TMTC1: variants seen among roughly 807,000 people sequenced by gnomAD.
TMTC1 encodes transmembrane O-mannosyltransferase targeting cadherins 1.
A neutral mutation model predicts 104.8 loss-of-function variants in TMTC1; 73 were observed. The observed-to-expected ratio is 0.70, with a 90% CI of 0.58 to 0.85. The LOEUF (loss-of-function observed/expected upper bound fraction) is 0.85. Among genes scored for constraint, TMTC1 ranks in the 40% least tolerant of loss-of-function variants. The probability of loss-of-function intolerance (pLI) is 0.00; values close to 1 mark genes in which losing one functional copy is unlikely to be tolerated. For synonymous variants in TMTC1, 434 were observed against 428.7 expected (o/e 1.01, Z -0.15); for missense variants, 1,035 against 1,096.1 (o/e 0.94, Z 0.79).
intron 5 of TMTC1, among the ~76,000 whole-genome samples, chr12:29,654,309 G>T (rs1939654622): frequency 6.6e-6 from 1 of 152,140 alleles, no homozygotes. Flanking sequence ...TAGTTCCAAA[G>T]AAGACAGCAA....
At chr12:29,647,461 A>G (rs1230721151) in intron 5 of TMTC1, among the ~76,000 whole-genome samples, 1 of 152,178 alleles carries the variant, frequency 6.6e-6, no homozygotes, top group Non-Finnish European at 1.5e-5. Flanking sequence ...TTTTAATTCA[A>G]TGTTCGGAGG....
intron 5 of TMTC1, among the ~76,000 whole-genome samples, chr12:29,725,400 C>T (rs1019609023): frequency 1.3e-5 from 2 of 151,914 alleles, no homozygotes; most frequent in African/African-American, 2.4e-5. Flanking sequence ...ATGGCTCCAT[C>T]TCAGCTCACT....
intron 5 of TMTC1, among the ~76,000 whole-genome samples, chr12:29,664,218 A>T (rs1940182154): frequency 6.6e-6 from 1 of 150,446 alleles, no homozygotes; most frequent in South Asian, 2.1e-4. Flanking sequence ...AAAAAAATAA[A>T]AAAATAAAAA....
chr12:29,746,243 T>C (rs987615583), intron 5 of TMTC1, among the ~76,000 whole-genome samples: 6 of 152,210 alleles, frequency 3.9e-5, no homozygotes, highest in African/African-American at 1.4e-4. Context: ...ACACCTCTTA[T>C]TCAGTCATTT....
At chr12:29,716,284 AG>A (rs1255572314) in intron 5 of TMTC1, among the ~76,000 whole-genome samples, 1 of 152,062 alleles carries the variant, frequency 6.6e-6, no homozygotes, top group African/African-American at 2.4e-5. Context: ...AGGTTCCCAA[AG>A]CTTTGAGATT....
chr12:29,783,692 C>T lies in TMTC1; in HGVS notation c.60G>A (p.Arg20=). The T allele has an allele frequency of 7.9e-7, 1 of 1,271,346 alleles. No homozygotes were observed. The highest frequency in any genetic ancestry group is 9.8e-7 in the Non-Finnish European group (1 of 1,016,650). The allele number at this position is 1,271,346 out of a possible 1,614,324, so 78.8% of individuals were successfully genotyped here. A position where few individuals can be genotyped will look rare whatever the true frequency, so the allele number is the denominator to read the frequency against. The change falls in exon 1 of 18, where the codon CGG becomes CGA. Residue 20 remains arginine, a synonymous_variant. Transcript: ENST00000539277. The surrounding 1 kb of genome is among the most constrained non-coding windows in gnomAD (Gnocchi z 4.7). ...CCCCGGCCGGCGCTAGCCCGCAGCC[C>T]CGCCGCCGGGAGGGTGTGCGGTCCC... ...GGGDRTPSRR[R]GCGLAPAGAA...
intron 12 of TMTC1, chr12:29,519,403 T>C (rs1033980425): frequency 2.0e-5 from 3 of 151,918 alleles, no homozygotes; most frequent in African/African-American, 7.3e-5. Context: ...CAAGTGAGAG[T>C]AAGGCCAGAA....
Position 29,561,851 on chromosome 12 carries a change from C to T in TMTC1, c.1533-4851G>A, listed in dbSNP as rs12423941. Among the ~76,000 whole-genome samples the T allele has an allele frequency of 9.6e-3, 1,460 of 152,206 alleles. 16 individuals carry two copies. The highest frequency in any genetic ancestry group is 0.037 in the South Asian group (180 of 4,828). ...TGTGTATATTTGTCCGATTTTCATACCACACATTAATTTATTTGAGGTTAA... is the reference window on the plus strand; with the variant it reads ...TGTGTATATTTGTCCGATTTTCATATCACACATTAATTTATTTGAGGTTAA... On this transcript the variant is annotated intron_variant, in intron 9 of 17. Coordinates refer to ENST00000539277, the MANE Select transcript of TMTC1 (RefSeq NM_001193451.2).
chr12:29,610,257 T>C (rs533807255), intron 6 of TMTC1, among the ~76,000 whole-genome samples: 1 of 152,342 alleles, frequency 6.6e-6, no homozygotes, highest in East Asian at 1.9e-4. Context: ...AGCACATCCC[T>C]GGCTTCGTCC....
At chr12:29,660,281 C>A (rs1292322156) in intron 5 of TMTC1, among the ~76,000 whole-genome samples, 2 of 152,190 alleles carry the variant, frequency 1.3e-5, no homozygotes, top group African/African-American at 4.8e-5. Flanking sequence ...GAGAGGCCCT[C>A]GGGGATGAGA....
rs1324341954 is a variant in TMTC1, at chr12:29,751,828, C to A, written c.776G>T (p.Ser259Ile). Residue 259 changes from serine to isoleucine, a missense_variant, in exon 5 of 18, where the codon AGC becomes ATC. Physicochemically the swap from Ser to Ile is moderately radical, Grantham distance 142. Coordinates refer to ENST00000539277, the MANE Select transcript of TMTC1 (RefSeq NM_001193451.2). The stretch of plus-strand genomic sequence containing the variant: ...GCCTGGCAGTGAGGAGGGCTGGGGG[C>A]TCCCGGGCTGCTGTGGGCTGCGTGG... ...LCPRSPQQPG[S>I]PQPSSLPGHP... is the part of the protein sequence containing the mutation. The A allele has an allele frequency of 4.4e-6, 7 of 1,601,816 alleles. No homozygotes were observed. Among genetic ancestry groups the A allele is most frequent in the African/African-American group, 1.3e-5 (1 of 74,634 alleles).
chr12:29,698,207 G>T (rs925056148), intron 5 of TMTC1, among the ~76,000 whole-genome samples: 1 of 152,090 alleles, frequency 6.6e-6, no homozygotes, highest in Non-Finnish European at 1.5e-5. Flanking sequence ...GACAGATTTC[G>T]TCACCAGGTA....
chr12:29,745,628 AAAAAAAAAAAAG>A (rs1942935195), intron 5 of TMTC1, among the ~76,000 whole-genome samples: 2 of 151,426 alleles, frequency 1.3e-5, no homozygotes, highest in Non-Finnish European at 3.0e-5. Context: ...CAAAAAAAAA[AAAAAAAAAAAAG>A]AAAGAAGCTG....
At chr12:29,722,349 A>G (rs1297201485) in intron 5 of TMTC1, among the ~76,000 whole-genome samples, 2 of 152,200 alleles carry the variant, frequency 1.3e-5, no homozygotes, top group African/African-American at 4.8e-5. Context: ...GGGCCATAAA[A>G]TAAGTCTAAA....
At chr12:29,539,961 C>T (rs1478807140) in intron 10 of TMTC1, among the ~76,000 whole-genome samples, 1 of 152,242 alleles carries the variant, frequency 6.6e-6, no homozygotes, top group Admixed American at 6.5e-5. Flanking sequence ...TTCCCAGAGA[C>T]ACCTTCCCTG....
intron 5 of TMTC1, among the ~76,000 whole-genome samples, chr12:29,670,133 A>C (rs1369597176): frequency 1.3e-5 from 2 of 152,256 alleles, no homozygotes; most frequent in Non-Finnish European, 2.9e-5. Context: ...AGACGTTTGC[A>C]CTAAGAAAAA....
At position 29,512,057 on chromosome 12, in the gene TMTC1, T is replaced by C; in HGVS notation, c.2494A>G (p.Ile832Val). The C allele has an allele frequency of 6.2e-7, 1 of 1,614,124 alleles. No homozygotes were observed. The highest frequency in any genetic ancestry group is 2.2e-5 in the East Asian group (1 of 44,880). Residue 832 changes from isoleucine to valine, a missense_variant, in exon 17 of 18, where the codon ATC (isoleucine) becomes GTC (valine). Coordinates refer to ENST00000539277, the MANE Select transcript of TMTC1 (RefSeq NM_001193451.2). ...TATTCTCCTACCTTGATGTGTTGGA[T>C]GCCACCCATGTTCATCCAGGCCTGT... The part of the protein sequence containing the change: ...QAQAWMNMGG[I>V]QHIKGKYVSA...
chr12:29,657,074 C>T (rs1939794706), intron 5 of TMTC1, among the ~76,000 whole-genome samples: 1 of 152,136 alleles, frequency 6.6e-6, no homozygotes, highest in African/African-American at 2.4e-5. Flanking sequence ...CCCATCTGTC[C>T]TTTTTAACCG....
chr12:29,682,594 G>A (rs1940957922), intron 5 of TMTC1, among the ~76,000 whole-genome samples: 1 of 152,198 alleles, frequency 6.6e-6, no homozygotes, highest in African/African-American at 2.4e-5. Flanking sequence ...TATTGATGCA[G>A]TCAACAACTT....
Sources: allele counts gnomAD v4.1 joint callset (sites outside exome capture counted in the v4.1 genomes callset), GRCh38; gene constraint gnomAD v4.1.1; non-coding constraint Gnocchi (gnomAD v3.1); transcripts MANE v1.5; gene names NCBI Gene and HGNC (gene_info 2026-07-23, HGNC 2026-07-21).